The following SHISA6 variants were observed in gnomAD, a reference collection of about 807,000 sequenced individuals.
The protein encoded by SHISA6 is protein shisa-6.
SHISA6 carries 22 observed loss-of-function variants against 47.9 expected under a neutral mutation model. The observed-to-expected ratio is 0.46, with a 90% CI of 0.33 to 0.66. SHISA6 has a LOEUF of 0.66. SHISA6 is among the 30% of genes least tolerant of loss of function. SHISA6 has a pLI of 0.02. For synonymous variants in SHISA6, 388 were observed against 337.8 expected (o/e 1.15, Z -1.63); for missense variants, 680 against 764.6 (o/e 0.89, Z 1.30).
At chr17:11,284,486 A>G (rs150561166) in intron 2 of SHISA6, among the ~76,000 whole-genome samples, 52 of 152,252 alleles carry the variant, frequency 3.4e-4, no homozygotes, top group Middle Eastern at 3.4e-3. Flanking sequence ...AGCTGCACAT[A>G]TATTGCTGCC....
At chr17:11,418,363 G>A (rs1914348163) in intron 3 of SHISA6, among the ~76,000 whole-genome samples, 1 of 152,096 alleles carries the variant, frequency 6.6e-6, no homozygotes, top group Non-Finnish European at 1.5e-5. Context: ...GCATTGTCAT[G>A]AGAGATTTCT....
At chr17:11,500,475 A>AT (rs371565883) in intron 3 of SHISA6, among the ~76,000 whole-genome samples, 9 of 152,136 alleles carry the variant, frequency 5.9e-5, no homozygotes, top group African/African-American at 1.9e-4. Flanking sequence ...CAACTTCTCA[A>AT]TTTTGTAGGT....
chr17:11,393,145 T>C (rs769458026), intron 3 of SHISA6, among the ~76,000 whole-genome samples: 1 of 152,210 alleles, frequency 6.6e-6, no homozygotes. Flanking sequence ...TATTGAGGTA[T>C]TGGGCCTTGG....
At chr17:11,494,350 C>G (rs1427004218) in intron 3 of SHISA6, among the ~76,000 whole-genome samples, 4 of 152,218 alleles carry the variant, frequency 2.6e-5, no homozygotes, top group Non-Finnish European at 5.9e-5. Flanking sequence ...CTGCCCGAAC[C>G]TAGCCCTCCA....
chr17:11,306,524 C>T (rs1047340510), intron 2 of SHISA6, among the ~76,000 whole-genome samples: 1 of 152,208 alleles, frequency 6.6e-6, no homozygotes, highest in African/African-American at 2.4e-5. Flanking sequence ...ACTGTGTCCA[C>T]TGTATTCATC....
chr17:11,374,002 C>T (rs1015282034), intron 2 of SHISA6, among the ~76,000 whole-genome samples: 2 of 152,082 alleles, frequency 1.3e-5, no homozygotes, highest in African/African-American at 2.4e-5. Context: ...GGAGTTGAAC[C>T]GATTTACACT....
chr17:11,287,128 C>T (rs1361959098), intron 2 of SHISA6, among the ~76,000 whole-genome samples: 1 of 151,904 alleles, frequency 6.6e-6, no homozygotes, highest in African/African-American at 2.4e-5. Flanking sequence ...GGCATGGTGG[C>T]ATATGCTTGT....
chr17:11,264,700 CAGTGGGTGTGATCA>C (rs1221968954), intron 2 of SHISA6, among the ~76,000 whole-genome samples: 1 of 152,186 alleles, frequency 6.6e-6, no homozygotes, highest in Non-Finnish European at 1.5e-5. Flanking sequence ...CACTAGGTGG[CAGTGGGTGTGATCA>C]AATCCAAACT....
chr17:11,439,097 T>A (rs573369700), intron 3 of SHISA6, among the ~76,000 whole-genome samples: 1 of 152,268 alleles, frequency 6.6e-6, no homozygotes, highest in East Asian at 1.9e-4. Flanking sequence ...GCTCTCCTAC[T>A]CCTGTACCTC....
At chr17:11,347,081 G>A (rs1911724624) in intron 2 of SHISA6, among the ~76,000 whole-genome samples, 1 of 152,100 alleles carries the variant, frequency 6.6e-6, no homozygotes. Context: ...AGTTTGGATG[G>A]TGATGATTCA....
chr17:11,361,872 G>A (rs867777124), intron 2 of SHISA6, among the ~76,000 whole-genome samples: 1 of 152,040 alleles, frequency 6.6e-6, no homozygotes, highest in Non-Finnish European at 1.5e-5. Context: ...CAACAGAGGC[G>A]GAATTCTATC....
At chr17:11,412,564 CAG>C (rs1324732941) in intron 3 of SHISA6, among the ~76,000 whole-genome samples, 1 of 150,006 alleles carries the variant, frequency 6.7e-6, no homozygotes, top group Non-Finnish European at 1.5e-5. Context: ...TTTTCTGAGA[CAG>C]AGTCTCACTC....
intron 3 of SHISA6, among the ~76,000 whole-genome samples, chr17:11,471,932 C>T (rs1054747811): frequency 1.3e-5 from 2 of 152,106 alleles, no homozygotes; most frequent in African/African-American, 2.4e-5. Flanking sequence ...GATACACCTA[C>T]ATTTATAGAC....
At chr17:11,285,061 C>A (rs555039895) in intron 2 of SHISA6, among the ~76,000 whole-genome samples, 35 of 152,324 alleles carry the variant, frequency 2.3e-4, no homozygotes, top group African/African-American at 7.5e-4. Context: ...GATATGAAAT[C>A]ATCAAAGGCA....
chr17:11,431,563 T>A (rs1914775637), intron 3 of SHISA6, among the ~76,000 whole-genome samples: 1 of 152,242 alleles, frequency 6.6e-6, no homozygotes, highest in Non-Finnish European at 1.5e-5. Flanking sequence ...GTTTCTTTAA[T>A]CTCTTAAGTC....
chr17:11,354,161 T>A (rs1213368632), intron 2 of SHISA6, among the ~76,000 whole-genome samples: 2 of 152,160 alleles, frequency 1.3e-5, no homozygotes, highest in Admixed American at 1.3e-4. Context: ...GCAAAATCAC[T>A]CCCAGTATAG....
At chr17:11,378,346 T>C (rs1004376797) in intron 2 of SHISA6, among the ~76,000 whole-genome samples, 25 of 152,252 alleles carry the variant, frequency 1.6e-4, no homozygotes, top group South Asian at 2.1e-4. Flanking sequence ...TGTGTGTGTG[T>C]GCGCGCACAT....
intron 3 of SHISA6, among the ~76,000 whole-genome samples, chr17:11,384,869 A>T (rs1484130718): frequency 2.6e-5 from 4 of 152,176 alleles, no homozygotes; most frequent in African/African-American, 9.6e-5. Flanking sequence ...AGAAAGAGAA[A>T]TTTTTGAAGC....
chr17:11,375,455 C>T (rs78564474), intron 2 of SHISA6, among the ~76,000 whole-genome samples: 1 of 152,308 alleles, frequency 6.6e-6, no homozygotes, highest in Non-Finnish European at 1.5e-5. Context: ...CTGTCCTGAT[C>T]AGTTTGTTTC....
Sources: allele counts gnomAD v4.1 joint callset (sites outside exome capture counted in the v4.1 genomes callset), GRCh38; gene constraint gnomAD v4.1.1; transcripts MANE v1.5; gene names NCBI Gene and HGNC (gene_info 2026-07-23, HGNC 2026-07-21).